TCAF1: variants seen among roughly 807,000 people sequenced by gnomAD.
TCAF1 encodes the protein TRPM8 channel associated factor 1, also known as TRPM8 channel-associated factor 1.
A neutral mutation model predicts 27.3 loss-of-function variants in TCAF1; 4 were observed. The ratio of observed to expected loss-of-function variants is 0.15; its 90% CI spans 0.07 to 0.34. The LOEUF is 0.34. TCAF1 is among the 10% of genes least tolerant of loss of function. The pLI is 1.00. For missense variants in TCAF1, 257 were observed against 425.8 expected (o/e 0.60, Z 3.49); for synonymous variants, 105 against 167.1 (o/e 0.63, Z 2.87).
At chr7:143,888,214 T>C (rs1361524330) in intron 1 of TCAF1, among the ~76,000 whole-genome samples, 1 of 152,074 alleles carries the variant, frequency 6.6e-6, no homozygotes, top group Admixed American at 6.5e-5. Flanking sequence ...AATTCATCAA[T>C]GAAATGATAG....
chr7:143,893,597 T>C (rs1016418028), intron 1 of TCAF1, among the ~76,000 whole-genome samples: 7 of 151,972 alleles, frequency 4.6e-5, no homozygotes, highest in Non-Finnish European at 7.4e-5. Context: ...AAATAAATAA[T>C]TTTTATTTAT....
chr7:143,895,070 C>A (rs560323075), intron 1 of TCAF1, among the ~76,000 whole-genome samples: 4 of 151,820 alleles, frequency 2.6e-5, no homozygotes, highest in Admixed American at 1.3e-4. Flanking sequence ...ACTATAGTGA[C>A]AATATCAAAT....
intron 1 of TCAF1, among the ~76,000 whole-genome samples, chr7:143,895,928 A>G (rs1813852030): frequency 7.8e-6 from 1 of 128,558 alleles, no homozygotes; most frequent in African/African-American, 2.8e-5. Flanking sequence ...AGAAAGAAGG[A>G]AAAAAATGGG....
rs550239717 is a variant in TCAF1 at position 143,884,281 on chromosome 7, C to T, written c.-14-7659G>A. Among the ~76,000 whole-genome samples the T allele has an allele frequency of 2.0e-5, 3 of 152,282 alleles. No individual in the cohort carries two copies. In the East Asian group the frequency reaches 5.8e-4, roughly 29 times the overall value. ...ACTCCCTTTCCCCATCTCCCTTCAA[C>T]TCCCTTTCTCCAAATTGGATCATTA... On this transcript the variant is annotated intron_variant, in intron 1 of 8. Transcript: ENST00000479870.
rs73725423 is a variant in TCAF1, at chr7:143,899,223, T to C, written c.-15+2738A>G. Among the ~76,000 whole-genome samples the C allele has an allele frequency of 9.1e-3, 1,386 of 152,330 alleles. 25 individuals carry two copies. The highest frequency in any genetic ancestry group is 0.031 in the African/African-American group (1,299 of 41,576). ...CTTGATAAGTTTATTTAAATATTTA[T>C]ATGGAAGGTCAAAGGTCCAAGTAAA... On this transcript the variant is annotated intron_variant, in intron 1 of 8. Transcript: ENST00000479870.
intron 2 of TCAF1, among the ~76,000 whole-genome samples, chr7:143,875,721 A>T (rs1812657710): frequency 6.6e-6 from 1 of 152,194 alleles, no homozygotes; most frequent in Non-Finnish European, 1.5e-5. Context: ...CCAACAGCAC[A>T]GTTTTGATTA....
At chr7:143,859,986 T>TAATATATATTATGG (rs1811879368) in intron 6 of TCAF1, among the ~76,000 whole-genome samples, 1 of 24,698 alleles carries the variant, frequency 4.0e-5, no homozygotes, top group African/African-American at 9.1e-5. Flanking sequence ...ATATATTATA[T>TAATATATATTATGG]AATATATATT....
chr7:143,880,321 C>T (rs1812947128), intron 1 of TCAF1, among the ~76,000 whole-genome samples: 1 of 152,138 alleles, frequency 6.6e-6, no homozygotes, highest in Non-Finnish European at 1.5e-5. Context: ...CACACAGGTG[C>T]TAAGTGGTGG....
chr7:143,878,140 C>T (rs537884405), intron 1 of TCAF1, among the ~76,000 whole-genome samples: 90 of 152,272 alleles, frequency 5.9e-4, no homozygotes, highest in African/African-American at 2.0e-3. Context: ...AGGGAAATAA[C>T]ATAGGTTAAA....
At chr7:143,901,765 C>T (rs145446969) in intron 1 of TCAF1, among the ~76,000 whole-genome samples, 196 bp downstream of exon 1, 32 of 152,300 alleles carry the variant, frequency 2.1e-4, no homozygotes, top group African/African-American at 5.5e-4. Context: ...CAGCAGAGGG[C>T]ATAACAATGC....
intron 2 of TCAF1, among the ~76,000 whole-genome samples, chr7:143,874,946 T>C (rs1011249170): frequency 5.9e-5 from 9 of 152,196 alleles, no homozygotes; most frequent in African/African-American, 2.2e-4. Context: ...AACAGAGAGT[T>C]TGAACTCCTT....
At chr7:143,883,545 G>C (rs1423493594) in intron 1 of TCAF1, among the ~76,000 whole-genome samples, 1 of 116,442 alleles carries the variant, frequency 8.6e-6, no homozygotes, top group Non-Finnish European at 1.6e-5. Context: ...TCGCTCTGTC[G>C]CCCAGGCTGC....
At chr7:143,897,399 A>G (rs897167608) in intron 1 of TCAF1, among the ~76,000 whole-genome samples, 1 of 151,574 alleles carries the variant, frequency 6.6e-6, no homozygotes, top group African/African-American at 2.4e-5. Flanking sequence ...TTTCTTAATA[A>G]CATTTTCTTT....
At chr7:143,888,519 A>G (rs1420039193) in intron 1 of TCAF1, among the ~76,000 whole-genome samples, 1 of 152,216 alleles carries the variant, frequency 6.6e-6, no homozygotes, top group Non-Finnish European at 1.5e-5. Context: ...GCTTGTCTTG[A>G]CCCTGCTGAA....
At position 143,876,711 on chromosome 7, in the gene TCAF1, T is replaced by C. The variant is rs1210863903; in HGVS notation, c.-14-89A>G. 4 of 1,052,562 alleles carry C rather than the reference T, an allele frequency of 3.8e-6. No homozygotes were observed. In the African/African-American group the frequency reaches 6.4e-5, roughly 17 times the overall value. 65.2% of individuals were successfully genotyped at this position (1,052,562 alleles called of 1,614,324 possible). A position where few individuals can be genotyped will look rare whatever the true frequency, so the allele number is the denominator to read the frequency against. On this transcript the variant is annotated intron_variant, in intron 1 of 8. Coordinates refer to ENST00000479870, the MANE Select transcript of TCAF1 (RefSeq NM_014719.3). ...CAGTTCACTCTTCCAGTAGCTGGGC[T>C]ATTCTTCCCACTATGCAGATGAGGC...
intron 1 of TCAF1, chr7:143,882,331 C>T (rs752807944): frequency 6.5e-6 from 6 of 917,224 alleles, no homozygotes; most frequent in Non-Finnish European, 7.8e-6. Context: ...ACAAGTAATG[C>T]TCTGTCACCA....
chr7:143,885,065 C>T lies in TCAF1; in HGVS notation c.-14-8443G>A, dbSNP rs546631759. ...ACTTTGGCAGCCCCGCGTGCGCCCC[C>T]CTCGGCCGCGCTCCCCAAGGACCCC... On this transcript the variant is annotated intron_variant, in intron 1 of 8. Coordinates refer to ENST00000479870, the MANE Select transcript of TCAF1 (RefSeq NM_014719.3). 6 of 985,442 alleles carry T rather than the reference C, an allele frequency of 6.1e-6. No homozygotes were observed. In the South Asian group the frequency reaches 2.3e-4, roughly 39 times the overall value. 61.0% of individuals were successfully genotyped at this position (985,442 alleles called of 1,614,324 possible).
intron 1 of TCAF1, among the ~76,000 whole-genome samples, chr7:143,897,606 T>C (rs927503155): frequency 6.6e-6 from 1 of 152,084 alleles, no homozygotes; most frequent in South Asian, 2.1e-4. Context: ...TATTTATATA[T>C]ATTGAATAAA....
intron 1 of TCAF1, among the ~76,000 whole-genome samples, chr7:143,879,669 G>A (rs1267680899): frequency 2.0e-5 from 3 of 152,144 alleles, no homozygotes; most frequent in Non-Finnish European, 4.4e-5. Context: ...AAACCTAGAA[G>A]TACAGACAGA....
Sources: gnomAD v4.1 joint callset for allele counts (sites outside exome capture counted in the v4.1 genomes callset) on GRCh38, gnomAD v4.1.1 for gene constraint, MANE v1.5 for transcripts, NCBI Gene and HGNC (gene_info 2026-07-23, HGNC 2026-07-21) for gene names.